Variants in SYCP1 observed in about 807,000 individuals in gnomAD.
The protein encoded by SYCP1 is synaptonemal complex protein 1.
A neutral mutation model predicts 153.1 loss-of-function variants in SYCP1; 64 were observed. The ratio of observed to expected loss-of-function variants is 0.42; its 90% confidence interval spans 0.34 to 0.51. SYCP1 has a LOEUF of 0.51. Ranked by LOEUF, SYCP1 falls within the 20% of genes least tolerant of loss-of-function variation. The pLI is 0.06. For synonymous variants in SYCP1, 384 were observed against 341.8 expected, an observed-to-expected ratio of 1.12 and a Z score of -1.36; for missense variants, 997 against 1,049.0, an observed-to-expected ratio of 0.95 and a Z score of 0.68.
intron 23 of SYCP1, among the ~76,000 whole-genome samples, chr1:114,929,042 A>G (rs764182489): frequency 1.3e-4 from 20 of 152,158 alleles, no homozygotes; most frequent in Non-Finnish European, 2.5e-4. Context: ...CAGAAGGGAC[A>G]AGAGAGCTCT....
intron 27 of SYCP1, among the ~76,000 whole-genome samples, chr1:114,951,706 A>G (rs912648298): frequency 6.6e-6 from 1 of 152,236 alleles, no homozygotes; most frequent in Non-Finnish European, 1.5e-5. Flanking sequence ...GTAGGACAAT[A>G]TCACAACCAG....
At chr1:114,866,370 C>A (rs1431687004) in intron 8 of SYCP1, among the ~76,000 whole-genome samples, 4 of 152,062 alleles carry the variant, frequency 2.6e-5, no homozygotes, top group Admixed American at 1.3e-4. Context: ...GGATTTTGGC[C>A]ATTCGAATAG....
At chr1:114,878,929 A>G (rs578199855) in intron 12 of SYCP1, among the ~76,000 whole-genome samples, 23 of 152,310 alleles carry the variant, frequency 1.5e-4, no homozygotes, top group African/African-American at 5.3e-4. Context: ...TTAGAAAGGC[A>G]TTAGGGAAAA....
At chr1:114,873,826 G>T (rs115881066) in intron 8 of SYCP1, among the ~76,000 whole-genome samples, 2,387 of 152,148 alleles carry the variant, frequency 0.016, 67 homozygotes, top group African/African-American at 0.054. Context: ...CTGCCTTCTG[G>T]GTTCAAGCGA....
rs188161819 is a variant in SYCP1 at position 114,936,410 on chromosome 1, A to G, written c.1927-7929A>G. ...TATTGATGGAACATATCTCAAAATA[A>G]TAAGAGCTATTTATGACAAACCCAC... On this transcript the variant is annotated intron_variant, in intron 23 of 31. Transcript: ENST00000369522. Among the ~76,000 whole-genome samples the G allele has an allele frequency of 2.2e-4, 34 of 152,326 alleles. No homozygotes were observed. In the East Asian group the frequency reaches 6.0e-3, roughly 27 times the overall value.
intron 15 of SYCP1, among the ~76,000 whole-genome samples, chr1:114,894,473 G>C (rs919971695): frequency 6.6e-6 from 1 of 152,084 alleles, no homozygotes; most frequent in African/African-American, 2.4e-5. Flanking sequence ...TTTGTGGGCA[G>C]GTTAAAAATA....
rs750076770 is a variant in SYCP1 at position 114,911,462 on chromosome 1, A to G, written c.1426-17A>G. On this transcript the variant is annotated splice_polypyrimidine_tract_variant and intron_variant, in intron 17 of 31. Transcript: ENST00000369522. ...TTCGAAAAACACTTGCCATAGTTATATATGTTTATTTTGCAGAAAGAAGTA... is the reference window on the plus strand; with the variant it reads ...TTCGAAAAACACTTGCCATAGTTATGTATGTTTATTTTGCAGAAAGAAGTA... 7 of 1,514,660 alleles carry G rather than the reference A, an allele frequency of 4.6e-6. No homozygotes were observed. Among genetic ancestry groups the G allele is most frequent in the Non-Finnish European group, 6.2e-6 (7 of 1,127,508 alleles). 93.8% of individuals were successfully genotyped at this position (1,514,660 alleles called of 1,614,324 possible).
At chr1:114,890,177 T>C (rs1474013500) in intron 15 of SYCP1, among the ~76,000 whole-genome samples, 6 of 152,082 alleles carry the variant, frequency 3.9e-5, no homozygotes, top group Non-Finnish European at 7.4e-5. Flanking sequence ...ACCATCCTTT[T>C]GAGAAATCTC....
At chr1:114,958,803 G>C (rs1328128152) in intron 27 of SYCP1, among the ~76,000 whole-genome samples, 3 of 150,212 alleles carry the variant, frequency 2.0e-5, no homozygotes, top group African/African-American at 7.3e-5. Flanking sequence ...GGTGGTGGGT[G>C]CCCGTAGTCC....
chr1:114,991,393 T>G (rs191932523), intron 30 of SYCP1, among the ~76,000 whole-genome samples: 14 of 152,012 alleles, frequency 9.2e-5, no homozygotes, highest in African/African-American at 3.1e-4. Context: ...ATGAATTAGA[T>G]GTAAAACTAC....
At chr1:114,975,759 C>G (rs1672761284) in intron 27 of SYCP1, among the ~76,000 whole-genome samples, 1 of 151,554 alleles carries the variant, frequency 6.6e-6, no homozygotes, top group South Asian at 2.1e-4. Flanking sequence ...CTATATCTTT[C>G]ATTAATTTGA....
At chr1:114,897,590 T>C (rs1397037024) in intron 16 of SYCP1, among the ~76,000 whole-genome samples, 1 of 152,148 alleles carries the variant, frequency 6.6e-6, no homozygotes, top group Non-Finnish European at 1.5e-5. Context: ...GTTTGGAGGA[T>C]GCATCTGAGG....
chr1:114,914,778 A>C (rs1283889798), intron 20 of SYCP1, among the ~76,000 whole-genome samples: 1 of 152,210 alleles, frequency 6.6e-6, no homozygotes, highest in African/African-American at 2.4e-5. Flanking sequence ...TTTCTGGAGG[A>C]ATGCATTCTT....
At chr1:114,943,516 G>A (rs1457703408) in intron 23 of SYCP1, among the ~76,000 whole-genome samples, 1 of 151,574 alleles carries the variant, frequency 6.6e-6, no homozygotes, top group African/African-American at 2.4e-5. Flanking sequence ...TTTATATGAA[G>A]TTCAAAAAAA....
chr1:114,925,959 A>G (rs1669223863), intron 21 of SYCP1, among the ~76,000 whole-genome samples: 1 of 151,806 alleles, frequency 6.6e-6, no homozygotes, highest in Admixed American at 6.6e-5. Context: ...TCACATACAA[A>G]GATAATTTTT....
chr1:114,855,163 G>A (rs1408902759), intron 1 of SYCP1, 145 bp downstream of exon 1: 1 of 172,520 alleles, frequency 5.8e-6, no homozygotes, highest in East Asian at 1.6e-4. Flanking sequence ...TCCTGGCGAT[G>A]TGATGGAATT....
intron 30 of SYCP1, among the ~76,000 whole-genome samples, chr1:114,989,922 C>G (rs1157854458): frequency 6.6e-6 from 1 of 151,838 alleles, no homozygotes; most frequent in Non-Finnish European, 1.5e-5. Flanking sequence ...ACTTCAGTAA[C>G]CCACTTTCAA....
At chr1:114,920,334 T>G (rs1668785506) in intron 20 of SYCP1, among the ~76,000 whole-genome samples, 1 of 152,144 alleles carries the variant, frequency 6.6e-6, no homozygotes, top group African/African-American at 2.4e-5. Context: ...TTCATTGTAG[T>G]CAGAGTAGGT....
intron 22 of SYCP1, 43 bp from the exon 23 acceptor site, chr1:114,926,458 G>T: frequency 2.0e-6 from 3 of 1,493,964 alleles, no homozygotes; most frequent in South Asian, 2.7e-5. Flanking sequence ...AGGTAAGTTT[G>T]AATAACTTTA....
Sources: allele counts gnomAD v4.1 joint callset (sites outside exome capture counted in the v4.1 genomes callset), GRCh38; gene constraint gnomAD v4.1.1; transcripts MANE v1.5; gene names NCBI Gene and HGNC (gene_info 2026-07-23, HGNC 2026-07-21).